Variants in PCDHA1 observed in about 807,000 individuals in gnomAD.
The protein encoded by PCDHA1 is protocadherin alpha-1.
PCDHA1 carries 42 observed loss-of-function variants against 61.3 expected under a neutral mutation model. That is an observed-to-expected ratio of 0.69 (90% CI 0.54 to 0.89). The LOEUF (loss-of-function observed/expected upper bound fraction) is 0.89. Ranked by LOEUF, PCDHA1 falls within the 40% of genes least tolerant of loss-of-function variation. The pLI is 0.00. For missense variants in PCDHA1, 1,256 were observed against 1,235.3 expected (o/e 1.02, Z -0.25); for synonymous variants, 610 against 553.8 (o/e 1.10, Z -1.43).
chr5:140,829,747 G>C (rs2150173825), intron 1 of PCDHA1: 21 of 1,613,704 alleles, frequency 1.3e-5, no homozygotes, highest in Non-Finnish European at 1.7e-5. Flanking sequence ...TGACGCTGCA[G>C]GTGTTCGTGC....
At chr5:140,829,565 T>C (rs2150170147) in intron 1 of PCDHA1, 7 of 1,612,526 alleles carry the variant, frequency 4.3e-6, no homozygotes, top group Non-Finnish European at 5.9e-6. Context: ...GCTGGTGTCC[T>C]ACTCGCTGGT....
intron 3 of PCDHA1, among the ~76,000 whole-genome samples, chr5:140,999,060 G>A (rs1199782818): frequency 1.3e-5 from 2 of 152,210 alleles, no homozygotes; most frequent in East Asian, 1.9e-4. Context: ...CCATGCCTAA[G>A]TAGTCTCCTT....
At position 140,823,656 on chromosome 5, in the gene PCDHA1, A is replaced by T. The variant is rs2150127966; in HGVS notation, c.2394+34972A>T. On this transcript the variant is annotated intron_variant, in intron 1 of 3. Transcript: ENST00000504120. ...TCCCGTTCCGCGTGGGGCTGTACAC[A>T]GGCGAGATCAGCACAACACGCTCTC... 9 of 1,613,854 alleles carry T rather than the reference A, an allele frequency of 5.6e-6. No homozygotes were observed. In the African/African-American group the frequency reaches 8.0e-5, roughly 14 times the overall value.
At chr5:140,930,184 G>A (rs2153603505) in intron 1 of PCDHA1, 1 of 152,258 alleles carries the variant, frequency 6.6e-6, no homozygotes, top group South Asian at 2.1e-4. Context: ...GGAAAGATGA[G>A]TAATTTTTAT....
intron 1 of PCDHA1, among the ~76,000 whole-genome samples, chr5:140,900,338 C>T (rs145242611): frequency 0.027 from 4,159 of 152,082 alleles, 89 homozygotes; most frequent in Non-Finnish European, 0.044. Flanking sequence ...AGTACCGTGG[C>T]GCAATCTTGG....
At chr5:140,824,418 A>T in intron 1 of PCDHA1, 1 of 513,258 alleles carries the variant, frequency 1.9e-6, no homozygotes, top group Middle Eastern at 5.0e-4. Context: ...CATAGTTTGG[A>T]GTCATTCTCA....
rs79304807 is a variant in PCDHA1 at position 140,914,832 on chromosome 5, A to G, written c.2395-64117A>G. ...ACTTAACAGACTGCATAAACAAAAA[A>G]CAAACACACAAAAGGAAGACTAATA... On this transcript the variant is annotated intron_variant, in intron 1 of 3. Transcript: ENST00000504120. 8.0e-3 allele frequency among the ~76,000 whole-genome samples: 1,220 copies of G among 152,292 alleles called. 6 individuals carry two copies. Among genetic ancestry groups the G allele is most frequent in the African/African-American group, 0.019 (787 of 41,574 alleles).
At chr5:140,936,080 A>C (rs1252008478) in intron 1 of PCDHA1, among the ~76,000 whole-genome samples, 2 of 152,004 alleles carry the variant, frequency 1.3e-5, no homozygotes, top group African/African-American at 4.8e-5. Flanking sequence ...TTTAGTAGAG[A>C]CAGGGTTTCA....
At chr5:140,922,144 A>C (rs906517842) in intron 1 of PCDHA1, among the ~76,000 whole-genome samples, 5 of 151,922 alleles carry the variant, frequency 3.3e-5, no homozygotes, top group African/African-American at 1.2e-4. Flanking sequence ...TCCTCCATGA[A>C]ACTCATCAAA....
chr5:140,854,555 A>G (rs2043158080), intron 1 of PCDHA1: 1 of 150,006 alleles, frequency 6.7e-6, no homozygotes, highest in Non-Finnish European at 1.5e-5. Context: ...ATTCATAAAT[A>G]TTGTTGCTCT....
intron 1 of PCDHA1, chr5:140,841,287 A>C: frequency 1.3e-6 from 2 of 1,554,152 alleles, no homozygotes; most frequent in Non-Finnish European, 1.7e-6. Flanking sequence ...CTTTATATTA[A>C]GATAATATTT....
intron 1 of PCDHA1, chr5:140,811,993 T>A (rs1188366962): frequency 8.9e-6 from 1 of 112,226 alleles, no homozygotes; most frequent in Non-Finnish European, 1.8e-5. Context: ...GATTTATTTT[T>A]TACTACCATT....
chr5:140,847,275 C>T (rs1232934318), intron 1 of PCDHA1, among the ~76,000 whole-genome samples: 1 of 149,636 alleles, frequency 6.7e-6, no homozygotes, highest in Non-Finnish European at 1.5e-5. Flanking sequence ...GAAGGTTGAA[C>T]GGGAAGACAA....
rs2150424044 is a variant in PCDHA1, at chr5:140,848,904, C to G, written c.2394+60220C>G. ...CAACCCTCCAGTGTTCCCAGCGACACAAAAGAATCTGTTCATCGCGGAATC... is the reference window on the plus strand; with the variant it reads ...CAACCCTCCAGTGTTCCCAGCGACAGAAAAGAATCTGTTCATCGCGGAATC... On this transcript the variant is annotated intron_variant, in intron 1 of 3. Coordinates refer to ENST00000504120, the MANE Select transcript of PCDHA1 (RefSeq NM_018900.4). 1 of 1,608,060 alleles carries G rather than the reference C, an allele frequency of 6.2e-7. No individual in the cohort carries two copies. Among genetic ancestry groups the G allele is most frequent in the Non-Finnish European group, 8.5e-7 (1 of 1,176,922 alleles).
At chr5:140,826,670 A>C (rs1256098007) in intron 1 of PCDHA1, among the ~76,000 whole-genome samples, 1 of 152,172 alleles carries the variant, frequency 6.6e-6, no homozygotes, top group African/African-American at 2.4e-5. Context: ...TAAATTGTAG[A>C]CGTAATTAAA....
intron 1 of PCDHA1, chr5:140,807,024 G>A (rs1763832295): frequency 1.2e-5 from 10 of 843,172 alleles, no homozygotes; most frequent in East Asian, 5.1e-5. Context: ...CATGAGAGAA[G>A]GAGGAAGAAG....
intron 1 of PCDHA1, chr5:140,802,626 G>A: frequency 6.2e-7 from 1 of 1,613,988 alleles, no homozygotes; most frequent in Non-Finnish European, 8.5e-7. Flanking sequence ...CATCTTCACG[G>A]TGTCTGCGCG....
intron 1 of PCDHA1, among the ~76,000 whole-genome samples, chr5:140,945,549 G>A (rs246058): frequency 0.56 from 85,718 of 151,780 alleles, 24,784 homozygotes; most frequent in African/African-American, 0.69. Context: ...ACAAAAAAAT[G>A]AAGCTGAAGA....
At chr5:140,925,092 AGGAAGGAAGGAAGGAG>A (rs1190692996) in intron 1 of PCDHA1, among the ~76,000 whole-genome samples, 1 of 151,410 alleles carries the variant, frequency 6.6e-6, no homozygotes, top group Non-Finnish European at 1.5e-5. Flanking sequence ...AAAGGAAGGA[AGGAAGGAAGGAAGGAG>A]GGAAGGAAGG....
Sources: allele counts gnomAD v4.1 joint callset (sites outside exome capture counted in the v4.1 genomes callset), GRCh38; gene constraint gnomAD v4.1.1; transcripts MANE v1.5; gene names NCBI Gene and HGNC (gene_info 2026-07-23, HGNC 2026-07-21).